Variants in PSMD14 observed in about 807,000 individuals in gnomAD.
PSMD14 encodes the protein ubiquitin C-terminal hydrolase PSMD14.
PSMD14 carries 7 observed loss-of-function variants against 41.2 expected under a neutral mutation model. The ratio of observed to expected loss-of-function variants is 0.17; its 90% CI spans 0.10 to 0.32. PSMD14 has a LOEUF of 0.32. Among genes scored for constraint, PSMD14 ranks in the 10% least tolerant of loss-of-function variants. PSMD14 has a pLI of 1.00. For synonymous variants in PSMD14, 114 were observed against 122.3 expected, an observed-to-expected ratio of 0.93 and a Z score of 0.45; for missense variants, 139 against 375.6, an observed-to-expected ratio of 0.37 and a Z score of 5.21.
At chr2:161,319,340 ATCTC>A (rs58235295) in intron 3 of PSMD14, among the ~76,000 whole-genome samples, 10,321 of 152,066 alleles carry the variant, frequency 0.068, 471 homozygotes, top group East Asian at 0.17. Flanking sequence ...TTAATAAGTA[ATCTC>A]TCTCCTTTAA....
At chr2:161,380,173 A>G (rs1272890633) in intron 7 of PSMD14, among the ~76,000 whole-genome samples, 2 of 152,026 alleles carry the variant, frequency 1.3e-5, no homozygotes, top group Admixed American at 6.6e-5. Flanking sequence ...GAAGGGTTAA[A>G]TAACTTGTTA....
chr2:161,377,148 A>G (rs1683512993), intron 7 of PSMD14, among the ~76,000 whole-genome samples: 2 of 151,940 alleles, frequency 1.3e-5, no homozygotes, highest in Admixed American at 1.3e-4. Context: ...CATAGCTGCT[A>G]TATTTATAAG....
At chr2:161,346,339 A>G (rs1387233983) in intron 3 of PSMD14, among the ~76,000 whole-genome samples, 2 of 151,938 alleles carry the variant, frequency 1.3e-5, no homozygotes, top group African/African-American at 4.8e-5. Flanking sequence ...CTAGTGGTAC[A>G]TTGTCATTTT....
Position 161,371,327 on chromosome 2 carries a change from A to G in PSMD14, c.462+5A>G. ...ATTCAGAGTGTAAAAGGAAAGGTAG[A>G]GTAGATTCTATCTTTATTGCCATCT... On this transcript the variant is annotated splice_donor_5th_base_variant and intron_variant, in intron 7 of 11. Coordinates refer to ENST00000409682, the MANE Select transcript of PSMD14 (RefSeq NM_005805.6). The G allele has an allele frequency of 6.2e-7, 1 of 1,604,558 alleles. No homozygotes were observed. Among genetic ancestry groups the G allele is most frequent in the Non-Finnish European group, 8.5e-7 (1 of 1,174,718 alleles).
intron 3 of PSMD14, among the ~76,000 whole-genome samples, chr2:161,356,664 G>A (rs1417033058): frequency 6.6e-6 from 1 of 151,024 alleles, no homozygotes; most frequent in African/African-American, 2.4e-5. Context: ...TATTTTAACA[G>A]ACTTTTAAAA....
intron 3 of PSMD14, among the ~76,000 whole-genome samples, chr2:161,342,909 C>T (rs1172488846): frequency 2.0e-5 from 3 of 152,064 alleles, no homozygotes; most frequent in African/African-American, 7.2e-5. Flanking sequence ...CTTTAACTTA[C>T]CATAGTCTAC....
At chr2:161,309,031 C>T (rs1410422234) in intron 1 of PSMD14, among the ~76,000 whole-genome samples, 1 of 152,176 alleles carries the variant, frequency 6.6e-6, no homozygotes, top group Non-Finnish European at 1.5e-5. Flanking sequence ...TAAGCCTTAA[C>T]CCTTTTTCTG....
chr2:161,341,953 C>CATATT (rs1301212247), intron 3 of PSMD14, among the ~76,000 whole-genome samples: 2 of 151,236 alleles, frequency 1.3e-5, no homozygotes, highest in Non-Finnish European at 2.9e-5. Context: ...ATGTCACAAA[C>CATATT]ATATTCTCTT....
At chr2:161,370,213 G>A (rs1683413574) in intron 6 of PSMD14, 36 bp downstream of exon 6, 1 of 1,394,162 alleles carries the variant, frequency 7.2e-7, no homozygotes, top group Non-Finnish European at 9.8e-7. Context: ...AGAAATAATG[G>A]GAAATATTTA....
chr2:161,410,423 G>A (rs1275538295), intron 11 of PSMD14, among the ~76,000 whole-genome samples: 5 of 151,844 alleles, frequency 3.3e-5, no homozygotes, highest in African/African-American at 7.2e-5. Flanking sequence ...AACAATAATC[G>A]TAAGAATATA....
intron 1 of PSMD14, among the ~76,000 whole-genome samples, chr2:161,309,174 T>C (rs918681451): frequency 6.6e-6 from 1 of 152,166 alleles, no homozygotes; most frequent in Non-Finnish European, 1.5e-5. Flanking sequence ...TCATACTAAT[T>C]GAGTAATTGT....
Position 161,411,579 on chromosome 2 carries a change from G to T in PSMD14, c.*179G>T. 3 of 387,118 alleles carry T rather than the reference G, an allele frequency of 7.7e-6. No individual in the cohort carries two copies. The South Asian group carries it at 2.4e-4, about 31-fold the overall frequency. 24.0% of individuals were successfully genotyped at this position (387,118 alleles called of 1,614,324 possible). A position where few individuals can be genotyped will look rare whatever the true frequency, so the allele number is the denominator to read the frequency against. ...AATTACTTCTGTTTCTTTAGTCAGGGTCTTTGCAGATTCTAAAGTTATACA... is the reference window on the plus strand; with the variant it reads ...AATTACTTCTGTTTCTTTAGTCAGGTTCTTTGCAGATTCTAAAGTTATACA... On this transcript the variant is annotated 3_prime_UTR_variant, in exon 12 of 12. Transcript: ENST00000409682.
chr2:161,356,569 A>C (rs1318463222), intron 3 of PSMD14, among the ~76,000 whole-genome samples: 1 of 152,068 alleles, frequency 6.6e-6, no homozygotes, highest in African/African-American at 2.4e-5. Context: ...CAACTCAATA[A>C]ATTATATGTT....
chr2:161,354,236 G>T (rs752569076), intron 3 of PSMD14, among the ~76,000 whole-genome samples: 1 of 152,066 alleles, frequency 6.6e-6, no homozygotes, highest in African/African-American at 2.4e-5. Context: ...GATGCTGTGT[G>T]TATGTGTGTC....
At chr2:161,404,696 G>A (rs1683926196) in intron 10 of PSMD14, among the ~76,000 whole-genome samples, 2 of 152,050 alleles carry the variant, frequency 1.3e-5, no homozygotes, top group Non-Finnish European at 2.9e-5. Context: ...TATTTTCTTA[G>A]TGCACTGAGT....
At chr2:161,342,465 A>G (rs1682979738) in intron 3 of PSMD14, among the ~76,000 whole-genome samples, 1 of 152,084 alleles carries the variant, frequency 6.6e-6, no homozygotes, top group East Asian at 1.9e-4. Context: ...TTTGCTCTGA[A>G]ATTGGTTGAT....
At chr2:161,374,835 C>T (rs115739806) in intron 7 of PSMD14, among the ~76,000 whole-genome samples, 1,546 of 152,050 alleles carry the variant, frequency 0.01, 18 homozygotes, top group African/African-American at 0.034. Flanking sequence ...AACTAGCATA[C>T]AACTTAATTA....
intron 10 of PSMD14, among the ~76,000 whole-genome samples, chr2:161,405,003 G>C (rs1170903391): frequency 6.6e-6 from 1 of 152,118 alleles, no homozygotes. Flanking sequence ...CACTGTCTGA[G>C]ACCTTTCCAG....
In PSMD14 at chr2:161,341,917, ATAAT is replaced by A. The variant is rs563650637; in HGVS notation, c.48+23048_48+23051del. 2.2e-3 allele frequency among the ~76,000 whole-genome samples: 338 copies of A among 151,006 alleles called. 1 individual carries two copies. Among genetic ancestry groups the A allele is most frequent in the African/African-American group, 7.8e-3 (324 of 41,356 alleles). ...GTGTTATAAATTATATTTTGATATGATAATTAAGAAATCTCTCCTAACCCAATGT... is the reference window on the plus strand; with the variant it reads ...GTGTTATAAATTATATTTTGATATGATAAGAAATCTCTCCTAACCCAATGT... On this transcript the variant is annotated intron_variant, in intron 3 of 11. Coordinates refer to ENST00000409682, the MANE Select transcript of PSMD14 (RefSeq NM_005805.6).
Sources: allele counts gnomAD v4.1 joint callset (sites outside exome capture counted in the v4.1 genomes callset), GRCh38; gene constraint gnomAD v4.1.1; transcripts MANE v1.5; gene names NCBI Gene and HGNC (gene_info 2026-07-23, HGNC 2026-07-21).